Variants in DMXL1 observed in about 807,000 individuals in gnomAD.
The protein encoded by DMXL1 is Dmx like 1, also known as dmX-like protein 1.
Under a neutral mutation model 319.2 loss-of-function variants are expected in DMXL1, and 99 were observed. That is an observed-to-expected ratio of 0.31 (90% confidence interval 0.26 to 0.37). The LOEUF is 0.37. DMXL1 is among the 10% of genes least tolerant of loss of function. The pLI, the probability that DMXL1 is intolerant of heterozygous loss-of-function variation, is 1.00. For missense variants in DMXL1, 3,745 were observed against 3,595.6 expected (o/e 1.04, Z -1.06); for synonymous variants, 1,385 against 1,235.2 (o/e 1.12, Z -2.54).
intron 5 of DMXL1, among the ~76,000 whole-genome samples, chr5:119,111,678 A>C (rs1759635177): frequency 6.6e-6 from 1 of 152,252 alleles, no homozygotes; most frequent in Non-Finnish European, 1.5e-5. Flanking sequence ...GGGAAGAAAC[A>C]CAAACATGAG....
chr5:119,170,131 T>C, intron 23 of DMXL1, 59 bp from the exon 24 acceptor site: 16 of 1,501,762 alleles, frequency 1.1e-5, no homozygotes, highest in Non-Finnish European at 1.4e-5. Context: ...GAAAAGACAC[T>C]ACAATAGAAA....
Position 119,161,621 on chromosome 5 carries a change from G to T in DMXL1, c.4703-2886G>T, listed in dbSNP as rs114565241. Among the ~76,000 whole-genome samples, 714 of 152,332 alleles carry T rather than the reference G, an allele frequency of 4.7e-3. 6 individuals are homozygous for T. Among genetic ancestry groups the T allele is most frequent in the African/African-American group, 0.016 (676 of 41,572 alleles). ...TGATCGGTGTCTCCCTGCCTGGGTA[G>T]GACCTGGGAGTGGTGTTTGAGGCTG... On this transcript the variant is annotated intron_variant, in intron 19 of 43. Transcript: ENST00000539542.
chr5:119,191,566 T>C (rs1190495417), intron 29 of DMXL1, among the ~76,000 whole-genome samples: 1 of 152,204 alleles, frequency 6.6e-6, no homozygotes, highest in Non-Finnish European at 1.5e-5. Context: ...GGATTGTTGG[T>C]TAGCAAGGCC....
At chr5:119,077,754 AGT>A (rs59365686) in intron 1 of DMXL1, among the ~76,000 whole-genome samples, 7,950 of 125,156 alleles carry the variant, frequency 0.064, 273 homozygotes, top group African/African-American at 0.11. Flanking sequence ...TTATTTTTTA[AGT>A]GTGTGTGTGT....
At chr5:119,083,596 C>T (rs1447623279) in intron 1 of DMXL1, among the ~76,000 whole-genome samples, 2 of 151,812 alleles carry the variant, frequency 1.3e-5, no homozygotes, top group African/African-American at 4.8e-5. Flanking sequence ...GGCTGGAGTG[C>T]AGTGACACAA....
At chr5:119,106,116 G>T (rs1758282861) in intron 4 of DMXL1, among the ~76,000 whole-genome samples, 1 of 152,082 alleles carries the variant, frequency 6.6e-6, no homozygotes. Flanking sequence ...TCCAAGAAAG[G>T]CTTTGTTCAC....
intron 38 of DMXL1, among the ~76,000 whole-genome samples, chr5:119,228,692 G>A (rs555737557): frequency 3.3e-5 from 5 of 152,154 alleles, no homozygotes; most frequent in East Asian, 1.9e-4. Flanking sequence ...TTGGAAACTC[G>A]CAAAGTTAGA....
At position 119,120,983 on chromosome 5, in the gene DMXL1, C is replaced by G; in HGVS notation, c.946C>G (p.His316Asp). The change falls in exon 9 of 44, where the codon CAT (histidine) becomes GAT (aspartate). Residue 316 changes from histidine (H) to aspartate (D), a missense_variant. Around this residue, in one of 4 missense-constraint regions of DMXL1, gnomAD observed 2,096 missense variants for 1,985.4 expected, o/e 1.06. Transcript: ENST00000539542. ...VQNALEVNLR[H>D]FRRGRRRSLA... Reference sequence around the variant, plus strand: ...TCTATTCACACAGGTAAATCTGAGACATTTTCGTAGAGGTCGGAGGAGATC... The same window carrying G: ...TCTATTCACACAGGTAAATCTGAGAGATTTTCGTAGAGGTCGGAGGAGATC... The G allele has an allele frequency of 6.2e-7, 1 of 1,607,116 alleles. No individual in the cohort carries two copies.
At position 119,237,210 on chromosome 5, in the gene DMXL1, G is replaced by C. The variant is rs1346022392; in HGVS notation, c.8467-112G>C. ...GTATAGGTGAAGTGAAAAATCACAT[G>C]ACATACAGTCAAATGTTTACGAGTC... On this transcript the variant is annotated intron_variant, in intron 39 of 43. Transcript: ENST00000539542. 2.5e-5 allele frequency: 14 copies of C among 549,378 alleles called. No individual in the cohort carries two copies. The Admixed American group carries it at 4.5e-4, about 18-fold the overall frequency. The allele number at this position is 549,378 out of a possible 1,614,324, so 34.0% of individuals were successfully genotyped here.
intron 1 of DMXL1, among the ~76,000 whole-genome samples, chr5:119,093,537 C>T (rs1200083254): frequency 2.0e-5 from 3 of 152,184 alleles, no homozygotes; most frequent in African/African-American, 7.2e-5. Context: ...CCTCCCTATT[C>T]ACTGAGACAC....
rs1776230942 is a variant in DMXL1, at chr5:119,178,457, G to A, written c.7135+213G>A. The A allele has an allele frequency of 1.3e-5, 5 of 390,382 alleles. No homozygotes were observed. In the South Asian group the frequency reaches 4.3e-4, roughly 33 times the overall value. 24.2% of individuals were successfully genotyped at this position (390,382 alleles called of 1,614,324 possible). A position where few individuals can be genotyped will look rare whatever the true frequency, so the allele number is the denominator to read the frequency against. ...ATATTCCTGTACCAATAATTAGAACGATCTTATGTAAATTTATTAAATATT... is the reference window on the plus strand; with the variant it reads ...ATATTCCTGTACCAATAATTAGAACAATCTTATGTAAATTTATTAAATATT... On this transcript the variant is annotated intron_variant, in intron 28 of 43. Coordinates refer to ENST00000539542, the MANE Select transcript of DMXL1 (RefSeq NM_001290321.3).
At chr5:119,114,313 A>G (rs1404543529) in intron 5 of DMXL1, among the ~76,000 whole-genome samples, 162 bp from the exon 6 acceptor site, 2 of 152,220 alleles carry the variant, frequency 1.3e-5, no homozygotes, top group Non-Finnish European at 2.9e-5. Flanking sequence ...TTTAAAATTT[A>G]TCTTACTAAC....
In DMXL1 at chr5:119,167,797, T is replaced by C. The variant is rs966838816; in HGVS notation, c.5331T>C (p.Tyr1777=). ...ATCCTTTTCTTCGGAGCATGGCATA[T>C]TGGATTTTGGAAGATTATAGTGGTG... is the stretch of plus-strand genomic sequence containing the variant. ...HHDPFLRSMA[Y]WILEDYSGAL... is the part of the protein sequence containing the mutation. Residue 1777 remains tyrosine, a synonymous_variant, in exon 23 of 44, where the codon TAT becomes TAC. Transcript: ENST00000539542. 1.2e-6 allele frequency: 2 copies of C among 1,613,582 alleles called. No homozygotes were observed. The highest frequency in any genetic ancestry group is 1.3e-5 in the African/African-American group (1 of 75,028).
chr5:119,097,169 C>A (rs947688218), intron 1 of DMXL1, among the ~76,000 whole-genome samples: 6 of 152,116 alleles, frequency 3.9e-5, no homozygotes, highest in Non-Finnish European at 7.4e-5. Context: ...GAAAGAATAG[C>A]CTGAGATGGG....
intron 25 of DMXL1, 110 bp from the exon 26 acceptor site, chr5:119,175,151 G>A (rs1183070808): frequency 2.7e-5 from 18 of 664,984 alleles, no homozygotes; most frequent in Non-Finnish European, 4.1e-5. Flanking sequence ...TGAAGGCAAA[G>A]AATCAAAAAT....
At chr5:119,113,326 C>T (rs567179572) in intron 5 of DMXL1, among the ~76,000 whole-genome samples, 3 of 152,272 alleles carry the variant, frequency 2.0e-5, no homozygotes, top group African/African-American at 7.2e-5. Flanking sequence ...ACTGCAACCT[C>T]TACCTCCTGG....
chr5:119,104,658 T>A (rs1304265637), intron 3 of DMXL1, among the ~76,000 whole-genome samples: 2 of 152,242 alleles, frequency 1.3e-5, no homozygotes, highest in Non-Finnish European at 2.9e-5. Context: ...GTGTGTGTGT[T>A]CTGGGTCAGC....
chr5:119,243,387 A>T (rs1054931613), intron 42 of DMXL1, among the ~76,000 whole-genome samples: 6 of 152,194 alleles, frequency 3.9e-5, no homozygotes, highest in Admixed American at 6.5e-5. Flanking sequence ...TTAGGTAAGT[A>T]ATTCAGCAGA....
intron 37 of DMXL1, among the ~76,000 whole-genome samples, chr5:119,223,520 A>G (rs1381350857): frequency 6.6e-6 from 1 of 152,198 alleles, no homozygotes; most frequent in East Asian, 1.9e-4. Flanking sequence ...GAAATCTACC[A>G]TAGGCATAAC....
Sources: gnomAD v4.1 joint callset for allele counts (sites outside exome capture counted in the v4.1 genomes callset) on GRCh38, gnomAD v4.1.1 for gene constraint, gnomAD v4.1.1 regional missense constraint, MANE v1.5 for transcripts, NCBI Gene and HGNC (gene_info 2026-07-23, HGNC 2026-07-21) for gene names.